PCDHA9: variants seen among roughly 807,000 people sequenced by gnomAD.
The protein encoded by PCDHA9 is protocadherin alpha 9, also known as protocadherin alpha-9.
Under a neutral mutation model 62.0 loss-of-function variants are expected in PCDHA9, and 62 were observed. The observed-to-expected ratio is 1.00, with a 90% confidence interval of 0.81 to 1.23. The LOEUF is 1.23. Among genes scored for constraint, PCDHA9 ranks in the 50% most tolerant of loss-of-function variants. The pLI is 0.00. For missense variants in PCDHA9, 1,205 were observed against 1,249.8 expected (o/e 0.96, Z 0.54); for synonymous variants, 557 against 567.6 (o/e 0.98, Z 0.27).
At chr5:140,869,419 C>T (rs782550413) in intron 1 of PCDHA9, 4 of 1,614,078 alleles carry the variant, frequency 2.5e-6, no homozygotes, top group Non-Finnish European at 3.4e-6. Context: ...CAGCATCCAC[C>T]TGGAGGTGAT....
At chr5:140,896,346 G>T (rs1466880160) in intron 1 of PCDHA9, among the ~76,000 whole-genome samples, 18 of 151,992 alleles carry the variant, frequency 1.2e-4, no homozygotes, top group Non-Finnish European at 2.5e-4. Flanking sequence ...TTATATTCCC[G>T]CCAGCAGTGT....
At chr5:140,911,365 TG>T (rs1554194694) in intron 1 of PCDHA9, among the ~76,000 whole-genome samples, 1 of 152,218 alleles carries the variant, frequency 6.6e-6, no homozygotes, top group East Asian at 1.9e-4. Flanking sequence ...AGTAGACACC[TG>T]GCAAGGCTGT....
intron 1 of PCDHA9, chr5:140,851,137 A>G (rs2041971194): frequency 2.3e-6 from 3 of 1,313,646 alleles, no homozygotes; most frequent in South Asian, 2.5e-5. Flanking sequence ...TTGTGATTAA[A>G]GTGACATTGA....
intron 1 of PCDHA9, among the ~76,000 whole-genome samples, chr5:140,872,848 A>T: frequency 1.3e-5 from 2 of 152,332 alleles, no homozygotes; most frequent in African/African-American, 4.8e-5. Context: ...AAATATATTA[A>T]TGTGAGTACC....
At position 140,871,935 on chromosome 5, in the gene PCDHA9, T is replaced by C. The variant is rs373740331; in HGVS notation, c.2394+21046T>C. The stretch of plus-strand genomic sequence containing the variant: ...GATATTTCCACATTGTTAGATCAAC[T>C]GGCTTTGTTTTTCTAAAGGGAGGAG... On this transcript the variant is annotated intron_variant, in intron 1 of 3. Coordinates refer to ENST00000532602, the MANE Select transcript of PCDHA9 (RefSeq NM_031857.2). Among the ~76,000 whole-genome samples, 4 of 152,380 alleles carry C rather than the reference T, an allele frequency of 2.6e-5. No individual in the cohort carries two copies. The East Asian group carries it at 7.7e-4, about 29-fold the overall frequency.
In PCDHA9 at chr5:140,876,048, T is replaced by A. The variant is rs376201695; in HGVS notation, c.2394+25159T>A. 5 of 1,613,812 alleles carry A rather than the reference T, an allele frequency of 3.1e-6. No individual in the cohort carries two copies. In the African/African-American group the frequency reaches 5.3e-5, roughly 17 times the overall value. On this transcript the variant is annotated intron_variant, in intron 1 of 3. Transcript: ENST00000532602. ...CAAAAAAAGATAAAAGTATATTGCC[T>A]GAATTAGTTCTTCGGAAGTTATTGG...
At chr5:140,869,868 T>A (rs782375084) in intron 1 of PCDHA9, 2 of 1,610,492 alleles carry the variant, frequency 1.2e-6, no homozygotes, top group African/African-American at 2.7e-5. Context: ...TGGAAAATGC[T>A]GCTAAAGAAA....
rs572471986 is a variant in PCDHA9, at chr5:140,873,263, A to T, written c.2394+22374A>T. The stretch of plus-strand genomic sequence containing the variant: ...ATAAAATATTTCAGACTCAAAAGTG[A>T]TTAAACCATCATACCACTTATGAAA... On this transcript the variant is annotated intron_variant, in intron 1 of 3. Coordinates refer to ENST00000532602, the MANE Select transcript of PCDHA9 (RefSeq NM_031857.2). Among the ~76,000 whole-genome samples, 8 of 152,356 alleles carry T rather than the reference A, an allele frequency of 5.3e-5. 1 individual carries two copies. Among genetic ancestry groups the T allele is most frequent in the Middle Eastern group, 6.8e-3 (2 of 294 alleles).
intron 1 of PCDHA9, among the ~76,000 whole-genome samples, chr5:140,874,511 C>G (rs1376439369): frequency 4.6e-5 from 7 of 152,212 alleles, no homozygotes; most frequent in Admixed American, 3.9e-4. Flanking sequence ...ATTCTCTTGA[C>G]TTTAGTCAAT....
intron 1 of PCDHA9, among the ~76,000 whole-genome samples, chr5:140,974,086 A>G (rs1554235813): frequency 2.6e-5 from 4 of 152,256 alleles, no homozygotes; most frequent in Non-Finnish European, 5.9e-5. Context: ...CATGACTTCA[A>G]AAATCAAAGG....
intron 1 of PCDHA9, chr5:140,875,846 A>T: frequency 6.2e-7 from 1 of 1,614,176 alleles, no homozygotes. Context: ...GAGGTGAAGG[A>T]CATTAACGAC....
At chr5:140,981,017 G>T (rs782757397) in intron 2 of PCDHA9, among the ~76,000 whole-genome samples, 42 of 152,076 alleles carry the variant, frequency 2.8e-4, no homozygotes, top group Non-Finnish European at 5.3e-4. Flanking sequence ...ACACTTGAAG[G>T]CTGTTAATAT....
chr5:140,916,174 C>A (rs2077467805), intron 1 of PCDHA9, among the ~76,000 whole-genome samples: 1 of 152,124 alleles, frequency 6.6e-6, no homozygotes, highest in Non-Finnish European at 1.5e-5. Flanking sequence ...AGGCCTGGGA[C>A]TCTTCAAGGA....
intron 1 of PCDHA9, among the ~76,000 whole-genome samples, chr5:140,891,739 C>T (rs1433506044): frequency 4.6e-5 from 7 of 152,116 alleles, no homozygotes; most frequent in Non-Finnish European, 2.9e-5. Flanking sequence ...AATTCAATCC[C>T]TTATACAACA....
intron 1 of PCDHA9, among the ~76,000 whole-genome samples, chr5:140,899,285 A>T (rs2067252506): frequency 6.6e-6 from 1 of 152,132 alleles, no homozygotes; most frequent in African/African-American, 2.4e-5. Context: ...CAAAGGGAAT[A>T]CTTCCAGTTT....
chr5:140,886,827 GA>G (rs782016620), intron 1 of PCDHA9, among the ~76,000 whole-genome samples: 1,709 of 60,916 alleles, frequency 0.028, 12 homozygotes, highest in African/African-American at 0.032. Flanking sequence ...ACTTCGTCTT[GA>G]AAAAAAAAAA....
intron 1 of PCDHA9, among the ~76,000 whole-genome samples, chr5:140,892,143 C>T (rs983937899): frequency 3.3e-5 from 5 of 152,262 alleles, no homozygotes; most frequent in African/African-American, 9.6e-5. Flanking sequence ...ATGGTTTTAG[C>T]GTCTATTTCT....
chr5:141,004,948 C>G (rs1356526927), intron 3 of PCDHA9, among the ~76,000 whole-genome samples: 1 of 152,236 alleles, frequency 6.6e-6, no homozygotes, highest in Non-Finnish European at 1.5e-5. Context: ...TTCTTACCCT[C>G]TCTCGTCACT....
intron 1 of PCDHA9, among the ~76,000 whole-genome samples, chr5:140,916,395 G>A (rs2077556484): frequency 6.6e-6 from 1 of 152,180 alleles, no homozygotes; most frequent in African/African-American, 2.4e-5. Flanking sequence ...GGAATGTGCT[G>A]GATCACACCT....
Sources: gnomAD v4.1 joint callset for allele counts (sites outside exome capture counted in the v4.1 genomes callset) on GRCh38, gnomAD v4.1.1 for gene constraint, MANE v1.5 for transcripts, NCBI Gene and HGNC (gene_info 2026-07-23, HGNC 2026-07-21) for gene names.